The following NCAPG2 variants were observed in gnomAD, a reference collection of about 807,000 sequenced individuals.
NCAPG2 encodes condensin-2 complex subunit G2.
A neutral mutation model predicts 141.1 loss-of-function variants in NCAPG2; 53 were observed. The observed-to-expected ratio is 0.38, with a 90% confidence interval of 0.30 to 0.47. The LOEUF is 0.47. Ranked by LOEUF, NCAPG2 falls within the 20% of genes least tolerant of loss-of-function variation. NCAPG2 has a pLI of 0.99. For synonymous variants in NCAPG2, 499 were observed against 490.7 expected (o/e 1.02, Z -0.22); for missense variants, 1,087 against 1,389.0 (o/e 0.78, Z 3.46).
At chr7:158,651,964 T>C (rs1203804840) in intron 23 of NCAPG2, among the ~76,000 whole-genome samples, 1 of 152,234 alleles carries the variant, frequency 6.6e-6, no homozygotes, top group African/African-American at 2.4e-5. Context: ...GAGCAATCAG[T>C]CCTCTGCTTC....
chr7:158,668,265 TC>T, intron 13 of NCAPG2: 1 of 665,414 alleles, frequency 1.5e-6, no homozygotes, highest in African/African-American at 5.2e-5. Flanking sequence ...ACTGGGTCCC[TC>T]TGCCCTCCTT....
At chr7:158,654,880 A>T in intron 21 of NCAPG2, 186 bp from the exon 22 acceptor site, 1 of 1,220,722 alleles carries the variant, frequency 8.2e-7, no homozygotes, top group Non-Finnish European at 1.1e-6. Context: ...CTAGAGACAT[A>T]TTTTATGTAA....
intron 12 of NCAPG2, among the ~76,000 whole-genome samples, chr7:158,674,426 A>G (rs940372090): frequency 1.3e-5 from 2 of 152,068 alleles, no homozygotes; most frequent in African/African-American, 4.8e-5. Context: ...AGCTGGGACT[A>G]CAGGTACACA....
chr7:158,664,952 T>C, intron 13 of NCAPG2: 1 of 541,632 alleles, frequency 1.8e-6, no homozygotes, highest in East Asian at 3.1e-5. Context: ...AAAGTACTGT[T>C]ATATAAGGCA....
At chr7:158,644,866 T>A (rs1830894944) in intron 26 of NCAPG2, among the ~76,000 whole-genome samples, 1 of 152,132 alleles carries the variant, frequency 6.6e-6, no homozygotes. Flanking sequence ...AGATATCCTA[T>A]CCATTTAGGC....
chr7:158,637,472 A>G (rs1830306904), intron 27 of NCAPG2, among the ~76,000 whole-genome samples: 1 of 152,278 alleles, frequency 6.6e-6, no homozygotes, highest in Admixed American at 6.5e-5. Context: ...GCAGACTCTG[A>G]CAGCACAAGC....
At chr7:158,704,168 C>T (rs1836000633) in intron 1 of NCAPG2, among the ~76,000 whole-genome samples, 1 of 147,870 alleles carries the variant, frequency 6.8e-6, no homozygotes, top group South Asian at 2.2e-4. Context: ...GGGGGTCGCT[C>T]TCTGAGGGCA....
chr7:158,697,049 T>C (rs762627386), intron 2 of NCAPG2, among the ~76,000 whole-genome samples: 4 of 152,214 alleles, frequency 2.6e-5, no homozygotes, highest in African/African-American at 7.2e-5. Context: ...CTTTTTATCA[T>C]TGTTTTAGAG....
Position 158,631,510 on chromosome 7 carries a change from T to G in NCAPG2, c.*156A>C, listed in dbSNP as rs1246883721. On this transcript the variant is annotated 3_prime_UTR_variant, in exon 28 of 28. Coordinates refer to ENST00000356309, the MANE Select transcript of NCAPG2 (RefSeq NM_017760.7). ...AAAATTGAAGAAGTTTTGAGTTATC[T>G]CCTCCATAACCCCCACCTTCCCACA... The G allele has an allele frequency of 1.1e-5, 8 of 741,776 alleles. No homozygotes were observed. The African/African-American group carries it at 1.4e-4, about 13-fold the overall frequency. 45.9% of individuals were successfully genotyped at this position (741,776 alleles called of 1,614,324 possible).
At chr7:158,645,223 A>T (rs1179254170) in intron 26 of NCAPG2, among the ~76,000 whole-genome samples, 4 of 151,732 alleles carry the variant, frequency 2.6e-5, no homozygotes, top group Non-Finnish European at 5.9e-5. Context: ...TTCAATGCCG[A>T]GGCACAGACA....
chr7:158,670,254 A>G (rs1452021241), intron 13 of NCAPG2, among the ~76,000 whole-genome samples: 2 of 152,348 alleles, frequency 1.3e-5, no homozygotes, highest in Middle Eastern at 6.8e-3. Context: ...CGTAATATGT[A>G]CTACATTCAG....
intron 17 of NCAPG2, 119 bp from the exon 18 acceptor site, chr7:158,656,824 A>G: frequency 8.5e-7 from 1 of 1,172,836 alleles, no homozygotes; most frequent in East Asian, 2.6e-5. Flanking sequence ...TTGTTATTAT[A>G]TTAGCACTTC....
chr7:158,669,825 G>C (rs1205462930), intron 13 of NCAPG2, among the ~76,000 whole-genome samples: 1 of 128,536 alleles, frequency 7.8e-6, no homozygotes, highest in African/African-American at 2.9e-5. Flanking sequence ...ATTTTTTTAA[G>C]AGATAAGGTC....
chr7:158,674,626 G>C (rs1182659614), intron 12 of NCAPG2, among the ~76,000 whole-genome samples: 2 of 152,238 alleles, frequency 1.3e-5, no homozygotes, highest in Non-Finnish European at 2.9e-5. Context: ...AAGCAAGCAG[G>C]TTCCTGAGAA....
chr7:158,664,310 G>A lies in NCAPG2; in HGVS notation c.1703-14C>T, dbSNP rs769361508. ...GAATCAGCTTTGCTGAAATGTTTAG[G>A]ATAAACAAGAATTAATGGATGTGTT... On this transcript the variant is annotated splice_polypyrimidine_tract_variant and intron_variant, in intron 14 of 27. Coordinates refer to ENST00000356309, the MANE Select transcript of NCAPG2 (RefSeq NM_017760.7). 6.3e-6 allele frequency: 10 copies of A among 1,590,518 alleles called. No individual in the cohort carries two copies. The highest frequency in any genetic ancestry group is 8.6e-6 in the Non-Finnish European group (10 of 1,158,688).
chr7:158,655,813 G>A (rs967665063), intron 19 of NCAPG2, among the ~76,000 whole-genome samples: 1 of 6,236 alleles, frequency 1.6e-4, no homozygotes, highest in Non-Finnish European at 3.0e-4. Flanking sequence ...AGGGTGTTCA[G>A]AGGGCTGGCT....
At chr7:158,653,181 T>C (rs1831611765) in intron 22 of NCAPG2, among the ~76,000 whole-genome samples, 1 of 151,736 alleles carries the variant, frequency 6.6e-6, no homozygotes, top group African/African-American at 2.4e-5. Context: ...GCCAAGACAG[T>C]GAAACCTCAC....
intron 24 of NCAPG2, among the ~76,000 whole-genome samples, chr7:158,648,237 A>C (rs1831174204): frequency 1.3e-5 from 2 of 152,184 alleles, no homozygotes; most frequent in Admixed American, 1.3e-4. Context: ...CATGCAATGG[A>C]CAAGCATAAT....
chr7:158,690,664 C>G lies in NCAPG2; in HGVS notation c.441G>C (p.Leu147Phe). 1 of 1,614,094 alleles carries G rather than the reference C, an allele frequency of 6.2e-7. No homozygotes were observed. The highest frequency in any genetic ancestry group is 8.5e-7 in the Non-Finnish European group (1 of 1,179,932). ...GGCCTTTCTCCCACCAGGTAACACA[C>G]AAATCCTGAATAGAACTCTGTAGTT... Reference protein sequence around the residue: ...ERKLQSSIQDLCVTWWEKGLP... With the variant: ...ERKLQSSIQDFCVTWWEKGLP... The change falls in exon 5 of 28, where the codon TTG (leucine) becomes TTC (phenylalanine). Residue 147 changes from leucine (L) to phenylalanine (F), a missense_variant. Coordinates refer to ENST00000356309, the MANE Select transcript of NCAPG2 (RefSeq NM_017760.7).
Sources: gnomAD v4.1 joint callset for allele counts (sites outside exome capture counted in the v4.1 genomes callset) on GRCh38, gnomAD v4.1.1 for gene constraint, MANE v1.5 for transcripts, NCBI Gene and HGNC (gene_info 2026-07-23, HGNC 2026-07-21) for gene names.